Variants in MYPN observed in about 807,000 individuals in gnomAD.
MYPN encodes the protein myopalladin, also known as sarcomeric protein myopalladin, 145 kDa (MYOP).
MYPN carries 63 observed loss-of-function variants against 129.4 expected under a neutral mutation model. The observed-to-expected ratio is 0.49, with a 90% CI of 0.40 to 0.60. The LOEUF is 0.60. Among genes scored for constraint, MYPN ranks in the 20% least tolerant of loss-of-function variants. The probability of loss-of-function intolerance (pLI) is 0.00; values close to 1 mark genes in which losing one functional copy is unlikely to be tolerated. For missense variants in MYPN, 1,596 were observed against 1,635.4 expected (o/e 0.98, Z 0.42); for synonymous variants, 629 against 600.9 (o/e 1.05, Z -0.68).
At chr10:68,186,640 C>T (rs2043425946) in intron 12 of MYPN, among the ~76,000 whole-genome samples, 1 of 152,160 alleles carries the variant, frequency 6.6e-6, no homozygotes, top group East Asian at 1.9e-4. Flanking sequence ...AAAGTGATTG[C>T]TTCTATTTGA....
intron 1 of MYPN, among the ~76,000 whole-genome samples, chr10:68,088,056 A>G (rs1047385698): frequency 2.0e-5 from 3 of 152,234 alleles, no homozygotes; most frequent in African/African-American, 7.2e-5. Flanking sequence ...GGGGATGTCC[A>G]GATAATTGAA....
intron 2 of MYPN, among the ~76,000 whole-genome samples, chr10:68,125,133 C>T (rs1489392813): frequency 6.6e-6 from 1 of 152,178 alleles, no homozygotes; most frequent in East Asian, 1.9e-4. Context: ...CAATGCACCA[C>T]TAAGAAATGT....
In MYPN at chr10:68,121,713, A is replaced by G. The variant is rs767418996; in HGVS notation, c.275A>G (p.Asp92Gly). ...AATTACGACCCTTTGGAGAAGGCAGATGAAACTCAAGCTAGAAAACGACTT... is the reference window on the plus strand; with the variant it reads ...AATTACGACCCTTTGGAGAAGGCAGGTGAAACTCAAGCTAGAAAACGACTT... ...AINYDPLEKADETQARKRLSP... is the reference protein window; with the variant it reads ...AINYDPLEKAGETQARKRLSP... Residue 92 changes from aspartate to glycine, a missense_variant, in exon 2 of 20, where the codon GAT becomes GGT. Transcript: ENST00000358913. 1.9e-6 allele frequency: 3 copies of G among 1,614,124 alleles called. No individual in the cohort carries two copies.
chr10:68,134,819 A>T (rs961516173), intron 2 of MYPN, among the ~76,000 whole-genome samples: 8 of 152,076 alleles, frequency 5.3e-5, no homozygotes, highest in Non-Finnish European at 7.4e-5. Context: ...TTAATTAATT[A>T]AATTAAATTA....
At chr10:68,196,483 C>CTTTTTTTTTTTTTTT (rs71009021) in intron 15 of MYPN, among the ~76,000 whole-genome samples, 23 of 112,512 alleles carry the variant, frequency 2.0e-4, no homozygotes, top group Non-Finnish European at 3.1e-4. Flanking sequence ...CCTTCTTCTT[C>CTTTTTTTTTTTTTTT]TTTTTTTTTT....
In MYPN at chr10:68,113,972, G is replaced by A. The variant is rs2042117502; in HGVS notation, c.-2+4249G>A. The stretch of plus-strand genomic sequence containing the variant: ...TATTACTAACTATAGTCCCCATGCT[G>A]TACAGCAAGACTCCATAATTTATTC... On this transcript the variant is annotated intron_variant, in intron 1 of 19. Transcript: ENST00000358913. Among the ~76,000 whole-genome samples, 3 of 152,116 alleles carry A rather than the reference G, an allele frequency of 2.0e-5. No homozygotes were observed. The South Asian group carries it at 6.2e-4, about 32-fold the overall frequency.
rs554125983 is a variant in MYPN at position 68,146,850 on chromosome 10, G to A, written c.1130+1324G>A. Among the ~76,000 whole-genome samples the A allele has an allele frequency of 1.4e-4, 22 of 152,290 alleles. No individual in the cohort carries two copies. In the East Asian group the frequency reaches 1.9e-3, roughly 13 times the overall value. On this transcript the variant is annotated intron_variant, in intron 4 of 19. Coordinates refer to ENST00000358913, the MANE Select transcript of MYPN (RefSeq NM_032578.4). ...CACACCTAGCTGCAGTGAATTTTGG[G>A]ATATGTAGTCTTTATTTGGAGCAAT...
chr10:68,155,180 C>T (rs1438252217), intron 6 of MYPN, among the ~76,000 whole-genome samples: 2 of 151,950 alleles, frequency 1.3e-5, no homozygotes, highest in Non-Finnish European at 2.9e-5. Flanking sequence ...GACTCCATCT[C>T]AGAAAACAAA....
Position 68,174,264 on chromosome 10 carries a change from G to A in MYPN, c.2172G>A (p.Lys724=), listed in dbSNP as rs761690005. ...AGACGTTCAGCTTGGCCCGGCCGAA[G>A]TATTTCTTCCCCTCCACGAACACCA... The part of the protein sequence containing the change: ...SSQTFSLARP[K]YFFPSTNTTA... The change falls in exon 11 of 20, where the codon AAG becomes AAA. Residue 724 remains lysine, a synonymous_variant. Transcript: ENST00000358913. 19 of 1,614,142 alleles carry A rather than the reference G, an allele frequency of 1.2e-5. No individual in the cohort carries two copies. Among genetic ancestry groups the A allele is most frequent in the Non-Finnish European group, 3.4e-6 (4 of 1,180,026 alleles).
At chr10:68,143,203 A>G (rs1307085026) in intron 3 of MYPN, 88 bp downstream of exon 3, 20 of 1,304,166 alleles carry the variant, frequency 1.5e-5, no homozygotes, top group Non-Finnish European at 2.1e-5. Context: ...CTCCTCTACC[A>G]TGCGCTCTTC....
Position 68,166,444 on chromosome 10 carries a change from A to G in MYPN, c.1751A>G (p.Asn584Ser), listed in dbSNP as rs2043055172. 6.2e-7 allele frequency: 1 copy of G among 1,614,106 alleles called. No individual in the cohort carries two copies. Among genetic ancestry groups the G allele is most frequent in the Non-Finnish European group, 8.5e-7 (1 of 1,180,030 alleles). Residue 584 changes from asparagine to serine, a missense_variant, in exon 10 of 20, where the codon AAC becomes AGC. Asn to Ser is a conservative substitution (Grantham distance 46, BLOSUM62 1). Transcript: ENST00000358913. ...CCCAAACTCGAGGGGGTTCTGGTGA[A>G]CCACAATGAGCCCCGGTCCAGCTCC... ...PKPKLEGVLV[N>S]HNEPRSSSRI...
chr10:68,180,110 A>G (rs2043291855), intron 12 of MYPN, among the ~76,000 whole-genome samples: 7 of 152,206 alleles, frequency 4.6e-5, no homozygotes, highest in Admixed American at 4.6e-4. Context: ...GGCAGCAGAG[A>G]CAGGGTAGGC....
upstream of MYPN, among the ~76,000 whole-genome samples, chr10:68,103,723 G>A (rs2041992678): frequency 6.6e-6 from 1 of 152,198 alleles, no homozygotes. Flanking sequence ...GCTGATGTGG[G>A]CAGATCACCT....
rs74759173 is a variant in MYPN at position 68,135,290 on chromosome 10, C to A, written c.903-7650C>A. On this transcript the variant is annotated intron_variant, in intron 2 of 19. Coordinates refer to ENST00000358913, the MANE Select transcript of MYPN (RefSeq NM_032578.4). ...ATTTTAATAACACTTAAAACATAGACATATCCTCCCACTTACACTCCTACC... is the reference window on the plus strand; with the variant it reads ...ATTTTAATAACACTTAAAACATAGAAATATCCTCCCACTTACACTCCTACC... 0.018 allele frequency among the ~76,000 whole-genome samples: 2,759 copies of A among 152,276 alleles called. 199 individuals carry two copies. In the East Asian group the frequency reaches 0.21, roughly 12 times the overall value.
intron 2 of MYPN, among the ~76,000 whole-genome samples, chr10:68,126,695 A>G (rs1461053959): frequency 1.3e-5 from 2 of 152,174 alleles, no homozygotes; most frequent in Non-Finnish European, 2.9e-5. Flanking sequence ...GTGGACCTGG[A>G]TACTTGAAAG....
At chr10:68,177,861 C>A (rs974617195) in intron 12 of MYPN, among the ~76,000 whole-genome samples, 1 of 152,138 alleles carries the variant, frequency 6.6e-6, no homozygotes, top group African/African-American at 2.4e-5. Context: ...CTTTTAGGTC[C>A]AGAAAGCTGG....
rs2042257518 is a variant in MYPN, at chr10:68,122,280, CAGA to C, written c.845_847del (p.Glu282del). 6.2e-7 allele frequency: 1 copy of C among 1,613,994 alleles called. No homozygotes were observed. On this transcript the variant is annotated inframe_deletion, in exon 2 of 20. Coordinates refer to ENST00000358913, the MANE Select transcript of MYPN (RefSeq NM_032578.4). ...CAAAAGTTACGGAGCAGAGAAGTTC[CAGA>C]AGGAACTCGAGTACAGTTGGATTGC...
chr10:68,140,423 G>A (rs1378861072), intron 2 of MYPN, among the ~76,000 whole-genome samples: 1 of 152,014 alleles, frequency 6.6e-6, no homozygotes, highest in East Asian at 1.9e-4. Context: ...TTACAACCTA[G>A]GAAACTGGTG....
intron 9 of MYPN, 29 bp from the exon 10 acceptor site, chr10:68,166,265 C>T: frequency 6.2e-7 from 1 of 1,613,922 alleles, no homozygotes; most frequent in South Asian, 1.1e-5. Context: ...CAGTGGCTGA[C>T]AGCTCAGGTC....
Sources: gnomAD v4.1 joint callset for allele counts (sites outside exome capture counted in the v4.1 genomes callset) on GRCh38, gnomAD v4.1.1 for gene constraint, MANE v1.5 for transcripts, NCBI Gene and HGNC (gene_info 2026-07-23, HGNC 2026-07-21) for gene names.